Variants in USP7 observed in about 807,000 individuals in gnomAD.
USP7 encodes ubiquitin specific peptidase 7.
USP7 carries 9 observed loss-of-function variants against 162.9 expected under a neutral mutation model. The ratio of observed to expected loss-of-function variants is 0.06; its 90% CI spans 0.03 to 0.10. The LOEUF is 0.10. Among genes scored for constraint, USP7 ranks in the 10% least tolerant of loss-of-function variants. The pLI is 1.00. For missense variants in USP7, 715 were observed against 1,373.7 expected (o/e 0.52, Z 7.58); for synonymous variants, 562 against 475.9 (o/e 1.18, Z -2.35).
intron 1 of USP7, among the ~76,000 whole-genome samples, chr16:8,951,702 A>T (rs2141262145): frequency 6.6e-6 from 1 of 152,368 alleles, no homozygotes; most frequent in South Asian, 2.1e-4. Flanking sequence ...GAGCCCTCGC[A>T]GACAAGACTC....
At chr16:8,910,873 T>C in intron 10 of USP7, 46 bp from the exon 11 acceptor site, 15 of 1,482,030 alleles carry the variant, frequency 1.0e-5, no homozygotes, top group Non-Finnish European at 1.4e-5. Flanking sequence ...GCTTCATTTA[T>C]AATGTAGCCA....
chr16:8,949,038 A>T (rs1418113896), intron 1 of USP7, among the ~76,000 whole-genome samples: 2 of 152,226 alleles, frequency 1.3e-5, no homozygotes, highest in Admixed American at 1.3e-4. Flanking sequence ...GTGACTGCTA[A>T]TGGGTACAGG....
chr16:8,924,678 C>G (rs1897892874), intron 2 of USP7, among the ~76,000 whole-genome samples: 2 of 152,256 alleles, frequency 1.3e-5, no homozygotes, highest in South Asian at 4.1e-4. Flanking sequence ...GAGTTCTCAG[C>G]ATCAGCCACT....
chr16:8,938,118 C>A (rs1898852115), intron 1 of USP7, among the ~76,000 whole-genome samples: 1 of 152,076 alleles, frequency 6.6e-6, no homozygotes, highest in African/African-American at 2.4e-5. Context: ...ACAAGAGGCC[C>A]TAGGCAGGAA....
chr16:8,959,820 T>G (rs575487891), intron 1 of USP7, among the ~76,000 whole-genome samples: 1 of 151,936 alleles, frequency 6.6e-6, no homozygotes, highest in African/African-American at 2.4e-5. Context: ...ACCACCCCCG[T>G]AACAAAAAAC....
chr16:8,927,320 GA>G (rs111731536), intron 2 of USP7, among the ~76,000 whole-genome samples: 66 of 138,896 alleles, frequency 4.8e-4, no homozygotes, highest in African/African-American at 4.5e-4. Context: ...AAAAGAAAAA[GA>G]AAAAAAAAAA....
intron 26 of USP7, 111 bp from the exon 27 acceptor site, chr16:8,895,852 T>G: frequency 2.5e-6 from 2 of 803,548 alleles, no homozygotes; most frequent in Non-Finnish European, 3.7e-6. Context: ...TTTTTTTTTT[T>G]TTTTGAGACA....
intron 7 of USP7, 34 bp downstream of exon 7, chr16:8,916,992 A>C: frequency 6.6e-7 from 1 of 1,504,874 alleles, no homozygotes. Context: ...AAAAAGAGGA[A>C]GCAGAATGGC....
At chr16:8,940,747 C>G (rs1241087137) in intron 1 of USP7, among the ~76,000 whole-genome samples, 1 of 152,134 alleles carries the variant, frequency 6.6e-6, no homozygotes, top group East Asian at 1.9e-4. Context: ...CTCTGCGAGG[C>G]CTCTCCTAGG....
chr16:8,930,235 G>A, intron 2 of USP7, 58 bp downstream of exon 2: 1 of 1,372,380 alleles, frequency 7.3e-7, no homozygotes, highest in East Asian at 2.3e-5. Flanking sequence ...GCATGGATCT[G>A]AACCTGTTTT....
chr16:8,906,492 C>G lies in USP7; in HGVS notation c.1362G>C (p.Leu454=), dbSNP rs560545311. The G allele has an allele frequency of 6.2e-7, 1 of 1,612,916 alleles. No homozygotes were observed. The highest frequency in any genetic ancestry group is 8.5e-7 in the Non-Finnish European group (1 of 1,180,032). The change falls in exon 13 of 31, where the codon CTG becomes CTC. Residue 454 remains leucine, a synonymous_variant. Coordinates refer to ENST00000344836, the MANE Select transcript of USP7 (RefSeq NM_003470.3). ...CACCATGATTATCTCCACTATGAACCAGGACTGCATGAAGAATATAATTTG... is the reference window on the plus strand; with the variant it reads ...CACCATGATTATCTCCACTATGAACGAGGACTGCATGAAGAATATAATTTG... ...DPANYILHAV[L]VHSGDNHGGH...
chr16:8,954,736 G>A (rs533378876), intron 1 of USP7, among the ~76,000 whole-genome samples: 2 of 152,152 alleles, frequency 1.3e-5, no homozygotes, highest in Non-Finnish European at 1.5e-5. Flanking sequence ...CAGCACTTTG[G>A]GGGTCTGAGG....
intron 1 of USP7, among the ~76,000 whole-genome samples, chr16:8,931,265 T>TCA (rs1171043303): frequency 3.3e-5 from 5 of 151,970 alleles, no homozygotes; most frequent in Non-Finnish European, 7.4e-5. Flanking sequence ...CTCAGCTCAC[T>TCA]GCTACCTCTG....
intron 11 of USP7, among the ~76,000 whole-genome samples, 177 bp downstream of exon 11, chr16:8,910,568 A>G (rs2061930527): frequency 6.6e-6 from 1 of 152,102 alleles, no homozygotes; most frequent in Admixed American, 6.5e-5. Context: ...GCTGCACTCC[A>G]TCTCCCAACA....
Position 8,920,401 on chromosome 16 carries a change from G to A in USP7, c.569C>T (p.Thr190Ile). 3 of 1,613,564 alleles carry A rather than the reference G, an allele frequency of 1.9e-6. No individual in the cohort carries two copies. The highest frequency in any genetic ancestry group is 1.1e-5 in the South Asian group (1 of 90,836). ...ATCCGCCTGTACAAAGACTTCAAAG[G>A]TAACTTTGTCATCATCTATAAATCC... ...EKGFIDDDKV[T>I]FEVFVQADAP... Residue 190 changes from threonine (T) to isoleucine (I), a missense_variant, in exon 5 of 31, where the codon ACC becomes ATC. Physicochemically the swap from Thr to Ile is moderately conservative, Grantham distance 89 (BLOSUM62 -1). This residue lies in a region of USP7 where 30 missense variants were observed against 27.6 expected (regional missense o/e 1.09). Transcript: ENST00000344836.
chr16:8,894,692 C>T lies in USP7; in HGVS notation c.3112-52G>A. 5 of 1,612,138 alleles carry T rather than the reference C, an allele frequency of 3.1e-6. No individual in the cohort carries two copies. In the South Asian group the frequency reaches 3.3e-5, roughly 11 times the overall value. ...CCGTTATTTCTGTATATCAGCAAAA[C>T]TCACATCTCTGGCAAAAAAGCCTAG... On this transcript the variant is annotated intron_variant, in intron 29 of 30. Transcript: ENST00000344836.
intron 20 of USP7, 100 bp downstream of exon 20, chr16:8,900,890 T>TAG (rs1555462319): frequency 8.3e-7 from 1 of 1,206,246 alleles, no homozygotes; most frequent in Non-Finnish European, 1.2e-6. Flanking sequence ...AGTTAGCTGG[T>TAG]AGACCTAACA....
chr16:8,930,831 T>C (rs1247963730), intron 1 of USP7, among the ~76,000 whole-genome samples: 2 of 152,108 alleles, frequency 1.3e-5, no homozygotes, highest in African/African-American at 2.4e-5. Context: ...TAGCTGGGTG[T>C]GGTGGCGCAT....
At chr16:8,899,214 A>G in intron 22 of USP7, 26 bp from the exon 23 acceptor site, 1 of 1,612,028 alleles carries the variant, frequency 6.2e-7, no homozygotes, top group Non-Finnish European at 8.5e-7. Context: ...GAAGGTTCAC[A>G]TTTTGGGGAA....
Sources: allele counts gnomAD v4.1 joint callset (sites outside exome capture counted in the v4.1 genomes callset), GRCh38; gene constraint gnomAD v4.1.1; regional missense constraint gnomAD v4.1.1; transcripts MANE v1.5; gene names NCBI Gene and HGNC (gene_info 2026-07-23, HGNC 2026-07-21).